Variants in PTPN14 observed in about 807,000 individuals in gnomAD.
The protein encoded by PTPN14 is protein tyrosine phosphatase non-receptor type 14, also known as tyrosine-protein phosphatase non-receptor type 14.
Under a neutral mutation model 126.8 loss-of-function variants are expected in PTPN14, and 53 were observed. That is an observed-to-expected ratio of 0.42 (90% CI 0.34 to 0.53). PTPN14 has a LOEUF of 0.53. PTPN14 is among the 20% of genes least tolerant of loss of function. The probability of loss-of-function intolerance (pLI) is 0.08; values close to 1 mark genes in which losing one functional copy is unlikely to be tolerated. For synonymous variants in PTPN14, 630 were observed against 599.3 expected, an observed-to-expected ratio of 1.05 and a Z score of -0.75; for missense variants, 1,257 against 1,552.9, an observed-to-expected ratio of 0.81 and a Z score of 3.20.
chr1:214,522,970 T>C (rs6704007), intron 1 of PTPN14, among the ~76,000 whole-genome samples: 6,739 of 152,208 alleles, frequency 0.044, 510 homozygotes, highest in African/African-American at 0.15. Flanking sequence ...TAAATCGAGA[T>C]CTTTTGAAAT....
chr1:214,383,695 C>T lies in PTPN14; in HGVS notation c.2160G>A (p.Ser720=), dbSNP rs369283606. 89 of 1,613,240 alleles carry T rather than the reference C, an allele frequency of 5.5e-5. No homozygotes were observed. Among genetic ancestry groups the T allele is most frequent in the Non-Finnish European group, 6.4e-5 (76 of 1,180,030 alleles). The part of the protein sequence containing the change: ...SEEEEEEAPE[S]VPQIPMLREK... ...CCCGGAGCATGGGGATCTGGGGCACCGATTCTGGAGCCTCCTCCTCCTCCT... is the reference window on the plus strand; with the variant it reads ...CCCGGAGCATGGGGATCTGGGGCACTGATTCTGGAGCCTCCTCCTCCTCCT... The change falls in exon 13 of 19, where the codon TCG becomes TCA. Residue 720 remains serine (S), a synonymous_variant. Transcript: ENST00000366956. The surrounding 1 kb of genome is among the most constrained non-coding windows in gnomAD (Gnocchi z 4.4).
chr1:214,395,086 A>T, intron 8 of PTPN14, 100 bp from the exon 9 acceptor site: 1 of 997,712 alleles, frequency 1.0e-6, no homozygotes, highest in Non-Finnish European at 1.6e-6. Flanking sequence ...TCATTTAACA[A>T]ACTATGATTT....
intron 18 of PTPN14, among the ~76,000 whole-genome samples, chr1:214,359,709 C>T (rs544800966): frequency 4.6e-5 from 7 of 151,412 alleles, no homozygotes; most frequent in African/African-American, 9.7e-5. Flanking sequence ...TGTGTAGAGA[C>T]GAGGTCTTAC....
At chr1:214,472,959 A>G (rs1323915612) in intron 1 of PTPN14, among the ~76,000 whole-genome samples, 1 of 152,240 alleles carries the variant, frequency 6.6e-6, no homozygotes, top group Non-Finnish European at 1.5e-5. Context: ...TTTGCTCTGT[A>G]AACATCACAT....
intron 3 of PTPN14, among the ~76,000 whole-genome samples, chr1:214,427,937 G>C (rs552219038): frequency 2.4e-4 from 37 of 152,194 alleles, no homozygotes; most frequent in Non-Finnish European, 5.1e-4. Context: ...GAGTGAGCAA[G>C]AGGATGAATC....
Position 214,369,505 on chromosome 1 carries a change from T to C in PTPN14, c.3223A>G (p.Thr1075Ala). ...GGACAGCCGTGATCTGGCCAGTCAG[T>C]ATATTGTAAATGCCACACCGTCCTT... is the stretch of plus-strand genomic sequence containing the variant. ...QERTVWHLQY[T>A]DWPDHGCPED... Residue 1075 changes from threonine to alanine, a missense_variant, in exon 17 of 19, where the codon ACT (threonine) becomes GCT (alanine). Transcript: ENST00000366956. 10 of 1,614,128 alleles carry C rather than the reference T, an allele frequency of 6.2e-6. No individual in the cohort carries two copies. The highest frequency in any genetic ancestry group is 8.5e-6 in the Non-Finnish European group (10 of 1,180,014).
At position 214,384,148 on chromosome 1, in the gene PTPN14, G is replaced by A. The variant is rs781766897; in HGVS notation, c.1707C>T (p.Pro569=). ...TGGTGGCAGGTCGTGGCCGTGGGTA[G>A]GGGGGCGGTGGCCTGAAGAGATAGT... The part of the protein sequence containing the change: ...LKNYLFRPPP[P]YPRPRPATST... The change falls in exon 13 of 19, where the codon CCC becomes CCT. Residue 569 remains proline (P), a synonymous_variant. Transcript: ENST00000366956. This position sits in a 1 kb window ranked among gnomAD's most constrained non-coding sequence, Gnocchi z 5.3. 4.4e-6 allele frequency: 7 copies of A among 1,578,412 alleles called. No individual in the cohort carries two copies. Among genetic ancestry groups the A allele is most frequent in the Middle Eastern group, 1.7e-4 (1 of 5,922 alleles).
chr1:214,485,403 G>C (rs1052898965), intron 1 of PTPN14, among the ~76,000 whole-genome samples: 2 of 152,216 alleles, frequency 1.3e-5, no homozygotes, highest in Admixed American at 6.5e-5. Context: ...CTTTCAGAAA[G>C]GGGAACAAGA....
At position 214,457,698 on chromosome 1, in the gene PTPN14, T is replaced by C. The variant is rs74501195; in HGVS notation, c.175-5724A>G. Among the ~76,000 whole-genome samples, 679 of 152,328 alleles carry C rather than the reference T, an allele frequency of 4.5e-3. 5 individuals are homozygous for C. Among genetic ancestry groups the C allele is most frequent in the African/African-American group, 0.015 (617 of 41,572 alleles). Reference sequence around the variant, plus strand: ...TCTAGAAGCCACATTGATTTAAAAGTACCAAAAGTGAAATTACTTTTAATA... The same window carrying C: ...TCTAGAAGCCACATTGATTTAAAAGCACCAAAAGTGAAATTACTTTTAATA... On this transcript the variant is annotated intron_variant, in intron 2 of 18. Transcript: ENST00000366956.
Position 214,353,930 on chromosome 1 carries a change from T to C in PTPN14, c.*3992A>G, listed in dbSNP as rs1016774229. 2.0e-5 allele frequency: 3 copies of C among 152,140 alleles called. No homozygotes were observed. The highest frequency in any genetic ancestry group is 2.4e-5 in the African/African-American group (1 of 41,418). The allele number at this position is 152,140 out of a possible 1,614,324, so 9.4% of individuals were successfully genotyped here. ...GCGAGTACTGTCTATTTGCAGAAAA[T>C]ATGGTCCATTATTGGAAATTTCATA... On this transcript the variant is annotated 3_prime_UTR_variant, in exon 19 of 19. Transcript: ENST00000366956.
At chr1:214,533,305 G>GTCAC in intron 1 of PTPN14, 1 of 577,108 alleles carries the variant, frequency 1.7e-6, no homozygotes, top group Non-Finnish European at 3.2e-6. Context: ...GGAGGCTAGG[G>GTCAC]TCACCACCTA....
chr1:214,549,305 T>C (rs919390913), intron 1 of PTPN14, among the ~76,000 whole-genome samples: 2 of 152,224 alleles, frequency 1.3e-5, no homozygotes, highest in Non-Finnish European at 1.5e-5. Flanking sequence ...CAGGATTTGC[T>C]GAATCCTGGG....
chr1:214,517,753 T>G (rs147435569), intron 1 of PTPN14, among the ~76,000 whole-genome samples: 6 of 152,224 alleles, frequency 3.9e-5, no homozygotes, highest in African/African-American at 1.4e-4. Flanking sequence ...GAGACCAGCC[T>G]GGCCAACATA....
At chr1:214,440,029 A>AAGGGG (rs1660003995) in intron 3 of PTPN14, among the ~76,000 whole-genome samples, 1 of 152,122 alleles carries the variant, frequency 6.6e-6, no homozygotes, top group South Asian at 2.1e-4. Flanking sequence ...TGTTACAGCT[A>AAGGGG]AGGGGAGGGG....
intron 1 of PTPN14, among the ~76,000 whole-genome samples, chr1:214,501,281 G>A (rs564226127): frequency 1.3e-5 from 2 of 151,926 alleles, no homozygotes; most frequent in East Asian, 1.9e-4. Context: ...CGCTCTTTTC[G>A]CCCAGACTGC....
chr1:214,540,741 T>C (rs192487736), intron 1 of PTPN14, among the ~76,000 whole-genome samples: 149 of 152,016 alleles, frequency 9.8e-4, no homozygotes, highest in Non-Finnish European at 2.6e-4. Flanking sequence ...TATTTATTTA[T>C]TTAAAAAAAA....
chr1:214,366,267 T>C, intron 17 of PTPN14, among the ~76,000 whole-genome samples: 1 of 152,214 alleles, frequency 6.6e-6, no homozygotes. Flanking sequence ...AGATATTGTG[T>C]GTGGAATCTT....
intron 3 of PTPN14, among the ~76,000 whole-genome samples, chr1:214,426,857 C>T (rs1659675975): frequency 6.6e-6 from 1 of 152,202 alleles, no homozygotes; most frequent in Non-Finnish European, 1.5e-5. Flanking sequence ...GTACGGGGCA[C>T]ACCCTGCGGG....
Position 214,465,065 on chromosome 1 carries a change from A to G in PTPN14, c.-154-108T>C, listed in dbSNP as rs371666830. 1.5e-5 allele frequency: 6 copies of G among 387,204 alleles called. 1 individual carries two copies. The highest frequency in any genetic ancestry group is 1.3e-4 in the African/African-American group (6 of 46,992). 24.0% of individuals were successfully genotyped at this position (387,204 alleles called of 1,614,324 possible). ...CCCCCCCCCCCACCCCGCCAAACAGATCAACACTCAGGTTTGATAAGCTGC... is the reference window on the plus strand; with the variant it reads ...CCCCCCCCCCCACCCCGCCAAACAGGTCAACACTCAGGTTTGATAAGCTGC... On this transcript the variant is annotated intron_variant, in intron 1 of 18. Coordinates refer to ENST00000366956, the MANE Select transcript of PTPN14 (RefSeq NM_005401.5).
Sources: allele counts gnomAD v4.1 joint callset (sites outside exome capture counted in the v4.1 genomes callset), GRCh38; gene constraint gnomAD v4.1.1; non-coding constraint Gnocchi (gnomAD v3.1); transcripts MANE v1.5; gene names NCBI Gene and HGNC (gene_info 2026-07-23, HGNC 2026-07-21).